The following VSTM5 variants were observed in gnomAD, a reference collection of about 807,000 sequenced individuals.
The protein encoded by VSTM5 is V-set and transmembrane domain containing 5.
A neutral mutation model predicts 20.3 loss-of-function variants in VSTM5; 21 were observed. The observed-to-expected ratio is 1.03, with a 90% confidence interval of 0.73 to 1.49. VSTM5 has a LOEUF of 1.49. VSTM5 is among the 40% of genes most tolerant of loss of function. The probability of loss-of-function intolerance (pLI) is 0.00; values close to 1 mark genes in which losing one functional copy is unlikely to be tolerated. For missense variants in VSTM5, 219 were observed against 250.0 expected (o/e 0.88, Z 0.84); for synonymous variants, 100 against 102.5 (o/e 0.98, Z 0.14).
rs772523281 is a variant in VSTM5, at chr11:93,821,229, C to T, written c.186G>A (p.Val62=). 15 of 1,551,992 alleles carry T rather than the reference C, an allele frequency of 9.7e-6. No individual in the cohort carries two copies. The South Asian group carries it at 1.8e-4, about 18-fold the overall frequency. Residue 62 remains valine, a synonymous_variant, in exon 2 of 4, where the codon GTG becomes GTA. Coordinates refer to ENST00000409977, the MANE Select transcript of VSTM5 (RefSeq NM_001144871.2). The stretch of plus-strand genomic sequence containing the variant: ...ATGAATATGTCCATTCGATGGTGGG[C>T]ACTCCATGACAGGAGTACTCAACTG... ...LLSVEYSCHG[V]PTIEWTYSSN...
chr11:93,821,296 T>A lies in VSTM5; in HGVS notation c.119A>T (p.Gln40Leu), dbSNP rs966454235. Residue 40 changes from glutamine (Q) to leucine (L), a missense_variant, in exon 2 of 4, where the codon CAG (glutamine) becomes CTG (leucine). By Grantham distance (113) the Gln-to-Leu change is moderately radical (BLOSUM62 -2). Transcript: ENST00000409977. ...TTTGACAGTGGCATTGATGGTGGCC[T>A]GAGGAATGTATAGGGACACACCCTG... is the stretch of plus-strand genomic sequence containing the variant. ...QSQGVSLYIPQATINATVKED... is the reference protein window; with the variant it reads ...QSQGVSLYIPLATINATVKED... 1 of 1,551,750 alleles carries A rather than the reference T, an allele frequency of 6.4e-7. No individual in the cohort carries two copies. Among genetic ancestry groups the A allele is most frequent in the Non-Finnish European group, 8.7e-7 (1 of 1,147,004 alleles).
intron 1 of VSTM5, among the ~76,000 whole-genome samples, chr11:93,849,703 A>C (rs1262604991): frequency 6.6e-6 from 1 of 152,260 alleles, no homozygotes; most frequent in Non-Finnish European, 1.5e-5. Context: ...ATTAAATGAG[A>C]AAGTAAAACT....
intron 1 of VSTM5, among the ~76,000 whole-genome samples, chr11:93,842,286 G>A (rs1017243526): frequency 6.6e-6 from 1 of 152,196 alleles, no homozygotes; most frequent in African/African-American, 2.4e-5. Context: ...GTTGGAGGAG[G>A]AGGCTGGTTC....
At chr11:93,839,293 C>A (rs1944350831) in intron 1 of VSTM5, among the ~76,000 whole-genome samples, 1 of 152,212 alleles carries the variant, frequency 6.6e-6, no homozygotes, top group Non-Finnish European at 1.5e-5. Flanking sequence ...AGAGACTGGG[C>A]TCCCGTGGCC....
intron 1 of VSTM5, among the ~76,000 whole-genome samples, chr11:93,822,940 C>T (rs947431654): frequency 2.0e-5 from 3 of 152,174 alleles, no homozygotes; most frequent in African/African-American, 7.2e-5. Context: ...ATAACTTCTG[C>T]GCATTTCATA....
At chr11:93,821,536 T>C (rs1165187823) in intron 1 of VSTM5, 2 of 572,512 alleles carry the variant, frequency 3.5e-6, no homozygotes, top group Non-Finnish European at 6.1e-6. Context: ...CCTTTTTCCA[T>C]TTTGAAGACT....
rs1019528680 is a variant in VSTM5 at position 93,849,808 on chromosome 11, A to T, written c.91+604T>A. Among the ~76,000 whole-genome samples, 2 of 152,336 alleles carry T rather than the reference A, an allele frequency of 1.3e-5. 1 individual carries two copies. The highest frequency in any genetic ancestry group is 4.8e-5 in the African/African-American group (2 of 41,572). On this transcript the variant is annotated intron_variant, in intron 1 of 3. Transcript: ENST00000409977. ...TGGGGATTCCGGGTCCGGCCATCCA[A>T]AGCAAATCTACTCAGTGCGCTGGTC... is the stretch of plus-strand genomic sequence containing the variant.
chr11:93,830,350 A>C (rs1944271734), intron 1 of VSTM5, among the ~76,000 whole-genome samples: 1 of 152,220 alleles, frequency 6.6e-6, no homozygotes, highest in Non-Finnish European at 1.5e-5. Context: ...AACAGCCGGG[A>C]ACAGCTAGTG....
intron 1 of VSTM5, among the ~76,000 whole-genome samples, chr11:93,829,663 A>G (rs1349740787): frequency 6.6e-6 from 1 of 152,208 alleles, no homozygotes; most frequent in African/African-American, 2.4e-5. Context: ...CTGAGGGAGA[A>G]GGAAAGCCAG....
intron 1 of VSTM5, among the ~76,000 whole-genome samples, chr11:93,832,707 A>C (rs956208210): frequency 3.3e-5 from 5 of 152,174 alleles, no homozygotes; most frequent in Admixed American, 1.3e-4. Context: ...ACTTGGACTA[A>C]AGCACTATGC....
chr11:93,827,584 T>C (rs574061714), intron 1 of VSTM5: 5 of 152,012 alleles, frequency 3.3e-5, no homozygotes, highest in East Asian at 1.9e-4. Flanking sequence ...TTCAAGGAGG[T>C]TGGTTCAGTA....
At chr11:93,849,269 C>G (rs1565305949) in intron 1 of VSTM5, among the ~76,000 whole-genome samples, 1 of 152,174 alleles carries the variant, frequency 6.6e-6, no homozygotes, top group Non-Finnish European at 1.5e-5. Flanking sequence ...CCTCAGCTCC[C>G]CCGCCGCCCA....
intron 1 of VSTM5, among the ~76,000 whole-genome samples, chr11:93,838,035 C>G (rs533929696): frequency 6.6e-6 from 1 of 152,154 alleles, no homozygotes; most frequent in South Asian, 2.1e-4. Context: ...CAGAAAAGGC[C>G]CTTCCCAATC....
intron 1 of VSTM5, among the ~76,000 whole-genome samples, chr11:93,840,490 T>C (rs1467639979): frequency 6.6e-6 from 1 of 152,316 alleles, no homozygotes; most frequent in African/African-American, 2.4e-5. Flanking sequence ...GCCAAAGAAC[T>C]ATGTGAAAGA....
intron 1 of VSTM5, among the ~76,000 whole-genome samples, chr11:93,833,871 C>T (rs537267018): frequency 6.6e-6 from 1 of 152,170 alleles, no homozygotes; most frequent in East Asian, 1.9e-4. Flanking sequence ...TCCCTCTAGT[C>T]ATCCTCAGCC....
intron 1 of VSTM5, among the ~76,000 whole-genome samples, chr11:93,843,993 C>G (rs1221152840): frequency 6.6e-6 from 1 of 152,186 alleles, no homozygotes; most frequent in Non-Finnish European, 1.5e-5. Flanking sequence ...CACTAGGCTC[C>G]CACAGCACAG....
chr11:93,836,561 T>G (rs1372860666), intron 1 of VSTM5, among the ~76,000 whole-genome samples: 1 of 151,304 alleles, frequency 6.6e-6, no homozygotes, highest in Non-Finnish European at 1.5e-5. Context: ...GCCTGCTCCC[T>G]CGTTTGCCTG....
chr11:93,825,123 AAGATTG>A (rs1944221507), intron 1 of VSTM5, among the ~76,000 whole-genome samples: 1 of 152,120 alleles, frequency 6.6e-6, no homozygotes, highest in South Asian at 2.1e-4. Context: ...CTTCTTTCTC[AAGATTG>A]CTTTGGCTAT....
intron 1 of VSTM5, among the ~76,000 whole-genome samples, chr11:93,823,852 C>CTT (rs35696385): frequency 0.99 from 151,104 of 152,110 alleles, 75,072 homozygotes; most frequent in Middle Eastern, 1. Flanking sequence ...GCAGATATCT[C>CTT]TGATACACTG....
Sources: gnomAD v4.1 joint callset for allele counts (sites outside exome capture counted in the v4.1 genomes callset) on GRCh38, gnomAD v4.1.1 for gene constraint, MANE v1.5 for transcripts, NCBI Gene and HGNC (gene_info 2026-07-23, HGNC 2026-07-21) for gene names.